Variants in PCDH9 observed in about 807,000 individuals in gnomAD.
The protein encoded by PCDH9 is protocadherin 9.
A neutral mutation model predicts 70.6 loss-of-function variants in PCDH9; 24 were observed. That is an observed-to-expected ratio of 0.34 (90% confidence interval 0.25 to 0.48). The LOEUF (loss-of-function observed/expected upper bound fraction) is 0.48. Ranked by LOEUF, PCDH9 falls within the 20% of genes least tolerant of loss-of-function variation. PCDH9 has a pLI of 0.99. For missense variants in PCDH9, 1,281 were observed against 1,503.6 expected (o/e 0.85, Z 2.45); for synonymous variants, 562 against 558.5 (o/e 1.01, Z -0.09).
intron 2 of PCDH9, among the ~76,000 whole-genome samples, chr13:67,179,842 C>T (rs1032827597): frequency 6.6e-6 from 1 of 151,976 alleles, no homozygotes; most frequent in Non-Finnish European, 1.5e-5. Context: ...ATATTTAAAA[C>T]TATTTCAAAG....
At chr13:67,018,694 C>T (rs966934992) in intron 2 of PCDH9, among the ~76,000 whole-genome samples, 1 of 151,140 alleles carries the variant, frequency 6.6e-6, no homozygotes, top group Non-Finnish European at 1.5e-5. Context: ...AATTCTCTGA[C>T]GAGGCTCCCA....
rs188314738 is a variant in PCDH9 at position 66,516,862 on chromosome 13, T to C, written c.3340+114348A>G. ...GAACCTATCTCAATTAAGAATATCT[T>C]TCCTGTTAATTTTTTAATACATCTA... is the stretch of plus-strand genomic sequence containing the variant. On this transcript the variant is annotated intron_variant, in intron 4 of 4. Transcript: ENST00000377865. Among the ~76,000 whole-genome samples the C allele has an allele frequency of 3.0e-3, 456 of 152,256 alleles. 2 individuals are homozygous for C. The highest frequency in any genetic ancestry group is 5.3e-3 in the Non-Finnish European group (357 of 67,994).
chr13:67,098,769 T>G (rs1338233224), intron 2 of PCDH9, among the ~76,000 whole-genome samples: 1 of 151,342 alleles, frequency 6.6e-6, no homozygotes, highest in Non-Finnish European at 1.5e-5. Flanking sequence ...CAGAATAATA[T>G]AGAAAAGAAA....
chr13:66,756,898 G>T (rs866235760), intron 3 of PCDH9, among the ~76,000 whole-genome samples: 125 of 152,164 alleles, frequency 8.2e-4, no homozygotes, highest in African/African-American at 2.8e-3. Context: ...TGCAGTGGCT[G>T]CAATCTTGGC....
intron 4 of PCDH9, among the ~76,000 whole-genome samples, chr13:66,601,425 T>C (rs746325272): frequency 1.4e-5 from 2 of 146,072 alleles, no homozygotes; most frequent in Non-Finnish European, 3.1e-5. Context: ...AGTTTGTTAG[T>C]TAATTGTATT....
In PCDH9 at chr13:67,166,857, A is replaced by G. The variant is rs568493935; in HGVS notation, c.3036+58548T>C. Among the ~76,000 whole-genome samples the G allele has an allele frequency of 6.6e-5, 10 of 152,204 alleles. No homozygotes were observed. In the South Asian group the frequency reaches 2.1e-3, roughly 32 times the overall value. Reference sequence around the variant, plus strand: ...TCACTTGTTTATCCTTTTTTTGACTATCTGGAAATATTTTTTTCATTGGTA... The same window carrying G: ...TCACTTGTTTATCCTTTTTTTGACTGTCTGGAAATATTTTTTTCATTGGTA... On this transcript the variant is annotated intron_variant, in intron 2 of 4. Transcript: ENST00000377865.
intron 4 of PCDH9, among the ~76,000 whole-genome samples, chr13:66,360,159 T>C (rs1956445581): frequency 6.6e-6 from 1 of 152,000 alleles, no homozygotes; most frequent in Non-Finnish European, 1.5e-5. Context: ...AAACTAAGAG[T>C]CCTTTTTTGC....
At chr13:66,379,278 T>A (rs1363722101) in intron 4 of PCDH9, among the ~76,000 whole-genome samples, 1 of 152,182 alleles carries the variant, frequency 6.6e-6, no homozygotes, top group Non-Finnish European at 1.5e-5. Context: ...CAAACAGGTT[T>A]TTCGGAGTGA....
At chr13:66,406,910 G>GT (rs1208192386) in intron 4 of PCDH9, among the ~76,000 whole-genome samples, 1 of 152,048 alleles carries the variant, frequency 6.6e-6, no homozygotes, top group Non-Finnish European at 1.5e-5. Context: ...CATATAAGAG[G>GT]TTTTTTAGCT....
chr13:67,224,981 T>C (rs1397908096), intron 2 of PCDH9: 5 of 1,020,398 alleles, frequency 4.9e-6, no homozygotes, highest in African/African-American at 1.7e-5. Context: ...ATAATTGCAG[T>C]CACACCTTCA....
intron 2 of PCDH9, among the ~76,000 whole-genome samples, chr13:66,957,675 C>T (rs1279920384): frequency 6.6e-6 from 1 of 152,016 alleles, no homozygotes; most frequent in Admixed American, 6.6e-5. Flanking sequence ...CCAGAGATAC[C>T]TCTCTCTTTC....
At chr13:66,824,701 C>T (rs2080785425) in intron 3 of PCDH9, among the ~76,000 whole-genome samples, 3 of 125,866 alleles carry the variant, frequency 2.4e-5, no homozygotes, top group African/African-American at 3.1e-5. Context: ...TATATATGCA[C>T]ACACACATAT....
chr13:67,134,957 A>G (rs1422222381), intron 2 of PCDH9, among the ~76,000 whole-genome samples: 1 of 152,106 alleles, frequency 6.6e-6, no homozygotes, highest in East Asian at 1.9e-4. Context: ...GTTAAAGGGT[A>G]CCAATGAAAA....
chr13:66,595,461 T>C (rs572285373), intron 4 of PCDH9, among the ~76,000 whole-genome samples: 3 of 151,902 alleles, frequency 2.0e-5, no homozygotes, highest in South Asian at 2.1e-4. Context: ...GCATTGTATA[T>C]GCTTGGTTAT....
At chr13:66,412,736 C>T (rs114155688) in intron 4 of PCDH9, among the ~76,000 whole-genome samples, 1,968 of 152,152 alleles carry the variant, frequency 0.013, 44 homozygotes, top group African/African-American at 0.046. Context: ...TTGTATTTAC[C>T]TTTAGTCGCT....
chr13:66,549,722 T>C (rs1695269216), intron 4 of PCDH9, among the ~76,000 whole-genome samples: 1 of 152,042 alleles, frequency 6.6e-6, no homozygotes, highest in Admixed American at 6.6e-5. Context: ...TATATGGTAG[T>C]AATCAAAATA....
intron 3 of PCDH9, among the ~76,000 whole-genome samples, chr13:66,746,868 G>A (rs2139215951): frequency 6.6e-6 from 1 of 152,252 alleles, no homozygotes; most frequent in South Asian, 2.1e-4. Flanking sequence ...GTATAATAAT[G>A]TTTGGTACTT....
intron 3 of PCDH9, among the ~76,000 whole-genome samples, chr13:66,819,842 G>A (rs371898548): frequency 6.6e-6 from 1 of 152,142 alleles, no homozygotes; most frequent in African/African-American, 2.4e-5. Context: ...GCTACAGTGA[G>A]CAGTGATAAT....
At chr13:66,882,130 G>A (rs1273198595) in intron 3 of PCDH9, among the ~76,000 whole-genome samples, 1 of 152,116 alleles carries the variant, frequency 6.6e-6, no homozygotes, top group Non-Finnish European at 1.5e-5. Flanking sequence ...TGTCTCAGAA[G>A]TTCTCTTTGT....
Sources: allele counts gnomAD v4.1 joint callset (sites outside exome capture counted in the v4.1 genomes callset), GRCh38; gene constraint gnomAD v4.1.1; transcripts MANE v1.5; gene names NCBI Gene and HGNC (gene_info 2026-07-23, HGNC 2026-07-21).